The following STARD13 variants were observed in gnomAD, a reference collection of about 807,000 sequenced individuals.
The protein encoded by STARD13 is stAR-related lipid transfer protein 13.
In STARD13, 62 loss-of-function variants were observed where a neutral mutation model predicts 106.4. The ratio of observed to expected loss-of-function variants is 0.58; its 90% CI spans 0.48 to 0.72. STARD13 has a LOEUF of 0.72. Ranked by LOEUF, STARD13 falls within the 30% of genes least tolerant of loss-of-function variation. The pLI, the probability that STARD13 is intolerant of heterozygous loss-of-function variation, is 0.00. For missense variants in STARD13, 1,387 were observed against 1,424.0 expected (o/e 0.97, Z 0.42); for synonymous variants, 565 against 553.0 (o/e 1.02, Z -0.31).
chr13:33,225,187 T>C (rs1386804074), intron 1 of STARD13, among the ~76,000 whole-genome samples: 4 of 152,232 alleles, frequency 2.6e-5, no homozygotes, highest in Non-Finnish European at 4.4e-5. Flanking sequence ...GTGATGTTCT[T>C]GGTACCAAAT....
At chr13:33,444,074 T>G in the STARD13 span, among the ~76,000 whole-genome samples, 2 of 152,136 alleles carry the variant, frequency 1.3e-5, no homozygotes, top group Admixed American at 1.3e-4. Context: ...TGAAATGATG[T>G]CACTTATTCA....
At chr13:33,224,268 A>G (rs1310729999) in intron 1 of STARD13, among the ~76,000 whole-genome samples, 1 of 152,210 alleles carries the variant, frequency 6.6e-6, no homozygotes, top group Non-Finnish European at 1.5e-5. Flanking sequence ...ATTTCATTTC[A>G]GTTGCCACAA....
At chr13:33,269,869 C>CA (rs1425219920) in intron 1 of STARD13, among the ~76,000 whole-genome samples, 3 of 152,138 alleles carry the variant, frequency 2.0e-5, no homozygotes, top group Admixed American at 2.0e-4. Flanking sequence ...CACAGTGCAT[C>CA]AAATATATAA....
Position 33,206,122 on chromosome 13 carries a change from T to C in STARD13, c.170-38500A>G, listed in dbSNP as rs1887401959. 5.4e-6 allele frequency: 3 copies of C among 556,544 alleles called. 1 individual carries two copies. The allele number at this position is 556,544 out of a possible 1,614,324, so 34.5% of individuals were successfully genotyped here. On this transcript the variant is annotated intron_variant, in intron 1 of 13. Transcript: ENST00000336934. Reference sequence around the variant, plus strand: ...AACTCACAGCTGGATTTCCTATAAATCCTCTTTTTAAAACTGGCTCTGCCG... The same window carrying C: ...AACTCACAGCTGGATTTCCTATAAACCCTCTTTTTAAAACTGGCTCTGCCG...
At chr13:33,188,655 C>T (rs769142385) in intron 1 of STARD13, among the ~76,000 whole-genome samples, 11 of 152,278 alleles carry the variant, frequency 7.2e-5, no homozygotes, top group East Asian at 1.9e-4. Flanking sequence ...ATTTTCTCCC[C>T]GAAATAACTA....
the STARD13 span, among the ~76,000 whole-genome samples, chr13:33,568,236 T>C: frequency 1.4e-5 from 2 of 147,622 alleles, no homozygotes; most frequent in Admixed American, 7.0e-5. Flanking sequence ...TTACAGTAAA[T>C]CAAGATAAAG....
chr13:33,394,207 C>CT, the STARD13 span, among the ~76,000 whole-genome samples: 2,007 of 146,950 alleles, frequency 0.014, 41 homozygotes, highest in African/African-American at 0.046. Context: ...ATTATTATTC[C>CT]TTTTTTTTTT....
the STARD13 span, chr13:33,657,308 C>A: frequency 6.6e-6 from 1 of 151,992 alleles, no homozygotes; most frequent in East Asian, 1.9e-4. Flanking sequence ...TAGGATTCCA[C>A]CGTTTGTCCC....
chr13:33,166,039 G>C (rs183722566), intron 2 of STARD13, among the ~76,000 whole-genome samples: 2 of 152,310 alleles, frequency 1.3e-5, no homozygotes, highest in Admixed American at 1.3e-4. Context: ...GTTCATGGAG[G>C]TAGCAATCTG....
the STARD13 span, among the ~76,000 whole-genome samples, chr13:33,578,504 G>A: frequency 1.3e-5 from 2 of 151,846 alleles, no homozygotes. Flanking sequence ...TCAACTCAAG[G>A]TGGATTAAAG....
At chr13:33,522,963 C>T in the STARD13 span, among the ~76,000 whole-genome samples, 1 of 152,066 alleles carries the variant, frequency 6.6e-6, no homozygotes, top group Non-Finnish European at 1.5e-5. Context: ...TAGCATTGTG[C>T]GTGGAACATA....
chr13:33,318,061 A>T (rs573763678), intron 1 of STARD13, among the ~76,000 whole-genome samples: 12 of 152,326 alleles, frequency 7.9e-5, no homozygotes, highest in African/African-American at 2.9e-4. Flanking sequence ...AGAGGTTTAC[A>T]ATTAAGGCTA....
Position 33,192,955 on chromosome 13 carries a change from G to A in STARD13, c.170-25333C>T, listed in dbSNP as rs547464284. 4.6e-5 allele frequency among the ~76,000 whole-genome samples: 7 copies of A among 152,228 alleles called. No individual in the cohort carries two copies. The South Asian group carries it at 1.5e-3, about 32-fold the overall frequency. Reference sequence around the variant, plus strand: ...TGGAGGAAGAAGCTAGGATCAGGGAGGTTCAATGAGGTGCCCAAGGTCACA... The same window carrying A: ...TGGAGGAAGAAGCTAGGATCAGGGAAGTTCAATGAGGTGCCCAAGGTCACA... On this transcript the variant is annotated intron_variant, in intron 1 of 13. Transcript: ENST00000336934.
the STARD13 span, among the ~76,000 whole-genome samples, chr13:33,446,567 C>T: frequency 6.6e-6 from 1 of 152,092 alleles, no homozygotes; most frequent in Non-Finnish European, 1.5e-5. Flanking sequence ...TCTCAATAAA[C>T]TTTATACATA....
intron 1 of STARD13, among the ~76,000 whole-genome samples, chr13:33,213,595 C>T (rs1321473405): frequency 6.6e-6 from 1 of 152,208 alleles, no homozygotes; most frequent in Non-Finnish European, 1.5e-5. Flanking sequence ...TCAACAGCCG[C>T]AGACCAGGGA....
chr13:33,584,015 A>G, the STARD13 span, among the ~76,000 whole-genome samples: 1 of 152,168 alleles, frequency 6.6e-6, no homozygotes, highest in Non-Finnish European at 1.5e-5. Context: ...TCGTAATTCT[A>G]TCTGTAATTT....
chr13:33,552,208 C>G, the STARD13 span, among the ~76,000 whole-genome samples: 1 of 151,988 alleles, frequency 6.6e-6, no homozygotes, highest in Non-Finnish European at 1.5e-5. Context: ...ACCCCAATCT[C>G]GATAATTGAT....
intron 1 of STARD13, among the ~76,000 whole-genome samples, chr13:33,298,623 A>G (rs928702909): frequency 6.6e-6 from 1 of 152,164 alleles, no homozygotes; most frequent in Admixed American, 6.5e-5. Flanking sequence ...GTGCATATAC[A>G]TGTATATATG....
In STARD13 at chr13:33,337,658, A is replaced by G. The variant is rs570615519; in HGVS notation, c.124+12632T>C. ...GGGGCACAGAGGATGTGGACTGTAG[A>G]TTGTAGATACTCAAGGGACTGTTTC... On this transcript the variant is annotated intron_variant, in intron 1 of 5. Transcript: ENST00000567873. 4.6e-5 allele frequency among the ~76,000 whole-genome samples: 7 copies of G among 152,276 alleles called. No homozygotes were observed. The South Asian group carries it at 1.4e-3, about 32-fold the overall frequency.
Sources: gnomAD v4.1 joint callset for allele counts (sites outside exome capture counted in the v4.1 genomes callset) on GRCh38, gnomAD v4.1.1 for gene constraint, MANE v1.5 for transcripts, NCBI Gene and HGNC (gene_info 2026-07-23, HGNC 2026-07-21) for gene names.